Variants in PIK3R3 observed in about 807,000 individuals in gnomAD.
The protein encoded by PIK3R3 is phosphoinositide-3-kinase regulatory subunit 3.
Under a neutral mutation model 62.9 loss-of-function variants are expected in PIK3R3, and 64 were observed. The ratio of observed to expected loss-of-function variants is 1.02; its 90% CI spans 0.83 to 1.25. The LOEUF (loss-of-function observed/expected upper bound fraction) is 1.25. Among genes scored for constraint, PIK3R3 ranks in the 50% most tolerant of loss-of-function variants. The pLI is 0.00. For missense variants in PIK3R3, 614 were observed against 561.6 expected, an observed-to-expected ratio of 1.09 and a Z score of -0.94; for synonymous variants, 165 against 189.0, an observed-to-expected ratio of 0.87 and a Z score of 1.04.
At chr1:46,087,340 AG>A (rs1433189612) in intron 1 of PIK3R3, among the ~76,000 whole-genome samples, 1 of 152,018 alleles carries the variant, frequency 6.6e-6, no homozygotes, top group Non-Finnish European at 1.5e-5. Context: ...GAAAAAAGAA[AG>A]GCTCTGGACT....
intron 1 of PIK3R3, among the ~76,000 whole-genome samples, chr1:46,098,258 C>T (rs1057377346): frequency 4.6e-5 from 7 of 152,152 alleles, no homozygotes; most frequent in African/African-American, 1.7e-4. Flanking sequence ...AGATACATAA[C>T]GAACAAGTCT....
chr1:46,045,834 T>TTTCATAAAA, intron 9 of PIK3R3, 84 bp downstream of exon 9: 1 of 1,255,336 alleles, frequency 8.0e-7, no homozygotes, highest in Non-Finnish European at 1.2e-6. Context: ...CATTAACTAA[T>TTTCATAAAA]TTCATCTGAA....
intron 3 of PIK3R3, among the ~76,000 whole-genome samples, chr1:46,075,759 C>A (rs1440265841): frequency 1.3e-5 from 2 of 152,102 alleles, no homozygotes; most frequent in Non-Finnish European, 2.9e-5. Flanking sequence ...AATTGGCTCA[C>A]ATGTTTATGG....
At position 46,061,918 on chromosome 1, in the gene PIK3R3, A is replaced by C; in HGVS notation, c.764+11T>G. On this transcript the variant is annotated intron_variant, in intron 6 of 9. Transcript: ENST00000262741. The stretch of plus-strand genomic sequence containing the variant: ...CTCACTGATGCCCTTGGAGGTACTA[A>C]GTAGACTTACCGTTCAATCTCCTTT... 1 of 1,611,114 alleles carries C rather than the reference A, an allele frequency of 6.2e-7. No individual in the cohort carries two copies. Among genetic ancestry groups the C allele is most frequent in the Non-Finnish European group, 8.5e-7 (1 of 1,177,504 alleles).
chr1:46,062,897 C>T (rs1009372291), intron 5 of PIK3R3, among the ~76,000 whole-genome samples: 1 of 152,224 alleles, frequency 6.6e-6, no homozygotes, highest in Admixed American at 6.5e-5. Context: ...AGGGATCATT[C>T]CACCTCAGCT....
the PIK3R3 span, among the ~76,000 whole-genome samples, chr1:46,160,273 G>T: frequency 5.9e-5 from 9 of 152,292 alleles, no homozygotes; most frequent in Admixed American, 3.9e-4. Context: ...AGCAAGCAAA[G>T]ACTGGACTGA....
At chr1:46,158,828 C>T in the PIK3R3 span, among the ~76,000 whole-genome samples, 1 of 152,212 alleles carries the variant, frequency 6.6e-6, no homozygotes, top group South Asian at 2.1e-4. Context: ...TGGCTAACGC[C>T]TGTAATCCCA....
At chr1:46,113,543 G>A (rs1036061811) in intron 1 of PIK3R3, among the ~76,000 whole-genome samples, 3 of 151,998 alleles carry the variant, frequency 2.0e-5, no homozygotes, top group African/African-American at 4.8e-5. Flanking sequence ...TCCCACCACA[G>A]CCTCCCAAAG....
intron 1 of PIK3R3, among the ~76,000 whole-genome samples, chr1:46,085,354 G>A (rs56295206): frequency 0.18 from 27,937 of 152,108 alleles, 3,242 homozygotes; most frequent in Non-Finnish European, 0.26. Flanking sequence ...GATAGACACA[G>A]TCTCCATACA....
intron 1 of PIK3R3, among the ~76,000 whole-genome samples, chr1:46,124,044 T>G (rs577778245): frequency 6.6e-6 from 1 of 152,156 alleles, no homozygotes; most frequent in East Asian, 1.9e-4. Flanking sequence ...CAGTAAACAC[T>G]GGGAAGGAAG....
At chr1:46,130,278 A>T (rs552268572) in intron 1 of PIK3R3, among the ~76,000 whole-genome samples, 2 of 152,202 alleles carry the variant, frequency 1.3e-5, no homozygotes, top group Non-Finnish European at 2.9e-5. Context: ...TTTTTACAAT[A>T]AAAGTACCAG....
At chr1:46,147,178 G>A in the PIK3R3 span, among the ~76,000 whole-genome samples, 5 of 152,038 alleles carry the variant, frequency 3.3e-5, no homozygotes, top group African/African-American at 7.2e-5. Context: ...ACATGATCTC[G>A]GCTCACTGCA....
chr1:46,079,936 A>G (rs1437620471), intron 2 of PIK3R3, among the ~76,000 whole-genome samples: 1 of 151,426 alleles, frequency 6.6e-6, no homozygotes, highest in African/African-American at 2.4e-5. Context: ...CCTGGGCAAC[A>G]GAGTGAGACT....
upstream of PIK3R3, chr1:46,134,444 G>C (rs577268706): frequency 1.4e-4 from 22 of 152,312 alleles, no homozygotes; most frequent in African/African-American, 4.1e-4. Flanking sequence ...ATTCTTATAT[G>C]CTTTCTTATT....
intron 7 of PIK3R3, among the ~76,000 whole-genome samples, chr1:46,049,428 T>A (rs1647201025): frequency 6.6e-6 from 1 of 152,204 alleles, no homozygotes; most frequent in South Asian, 2.1e-4. Flanking sequence ...GCCTTCGTCC[T>A]GGAAGAAAGC....
rs1183179103 is a variant in PIK3R3, at chr1:46,062,210, G to A, written c.622-139C>T. ...CTAGTCTTTCAAAAGTCTTCTCCTT[G>A]TTTAGGAGGACTAAAACAAGAGCTT... On this transcript the variant is annotated intron_variant, in intron 5 of 9. Coordinates refer to ENST00000262741, the MANE Select transcript of PIK3R3 (RefSeq NM_003629.4). The A allele has an allele frequency of 9.0e-6, 6 of 663,154 alleles. No homozygotes were observed. The African/African-American group carries it at 9.2e-5, about 10-fold the overall frequency. 41.1% of individuals were successfully genotyped at this position (663,154 alleles called of 1,614,324 possible).
chr1:46,066,641 A>G (rs1282884997), intron 4 of PIK3R3, among the ~76,000 whole-genome samples: 1 of 152,034 alleles, frequency 6.6e-6, no homozygotes, highest in Non-Finnish European at 1.5e-5. Flanking sequence ...GCAACATGGC[A>G]AGACCCTGAA....
chr1:46,075,012 G>GA (rs1557583600), intron 3 of PIK3R3, among the ~76,000 whole-genome samples: 1 of 152,150 alleles, frequency 6.6e-6, no homozygotes, highest in Admixed American at 6.5e-5. Context: ...GCTGGGGCCA[G>GA]GAAATCAAAA....
intron 3 of PIK3R3, among the ~76,000 whole-genome samples, chr1:46,072,278 G>A (rs1053233567): frequency 2.0e-5 from 3 of 152,150 alleles, no homozygotes; most frequent in Non-Finnish European, 4.4e-5. Context: ...ATACCCTGCA[G>A]AGTAATTAGC....
Sources: allele counts gnomAD v4.1 joint callset (sites outside exome capture counted in the v4.1 genomes callset), GRCh38; gene constraint gnomAD v4.1.1; transcripts MANE v1.5; gene names NCBI Gene and HGNC (gene_info 2026-07-23, HGNC 2026-07-21).